The following HNRNPUL2 variants were observed in gnomAD, a reference collection of about 807,000 sequenced individuals.
The protein encoded by HNRNPUL2 is heterogeneous nuclear ribonucleoprotein U-like protein 2.
HNRNPUL2 carries 27 observed loss-of-function variants against 102.2 expected under a neutral mutation model. The observed-to-expected ratio is 0.26, with a 90% CI of 0.19 to 0.36. The LOEUF (loss-of-function observed/expected upper bound fraction) is 0.36, where lower values mean the gene tolerates loss of function less well. Ranked by LOEUF, HNRNPUL2 falls within the 10% of genes least tolerant of loss-of-function variation. HNRNPUL2 has a pLI of 1.00. For missense variants in HNRNPUL2, 936 were observed against 981.1 expected (o/e 0.95, Z 0.61); for synonymous variants, 458 against 387.2 (o/e 1.18, Z -2.15).
chr11:62,725,058 A>G (rs1590901103), intron 1 of HNRNPUL2, among the ~76,000 whole-genome samples: 1 of 152,348 alleles, frequency 6.6e-6, no homozygotes, highest in East Asian at 1.9e-4. Context: ...TAGACTGCAC[A>G]TTTGGGGCAG....
intron 8 of HNRNPUL2, 140 bp from the exon 9 acceptor site, chr11:62,721,563 T>G: frequency 1.1e-6 from 1 of 894,444 alleles, no homozygotes; most frequent in Non-Finnish European, 1.7e-6. Flanking sequence ...TTCAGTGCTG[T>G]GAATGTTGTC....
At chr11:62,719,326 T>A (rs1208260065) in intron 10 of HNRNPUL2, among the ~76,000 whole-genome samples, 2 of 152,094 alleles carry the variant, frequency 1.3e-5, no homozygotes, top group Non-Finnish European at 2.9e-5. Context: ...TGGCACATGC[T>A]TGTAATCTCA....
At chr11:62,722,457 T>C in intron 6 of HNRNPUL2, 77 bp from the exon 7 acceptor site, 2 of 1,535,098 alleles carry the variant, frequency 1.3e-6, no homozygotes, top group Non-Finnish European at 8.9e-7. Context: ...TTATTCTTTT[T>C]TCACACAGAC....
In HNRNPUL2 at chr11:62,722,774, T is replaced by G. The variant is rs754034571; in HGVS notation, c.982+39A>C. 3 of 1,602,792 alleles carry G rather than the reference T, an allele frequency of 1.9e-6. No homozygotes were observed. The South Asian group carries it at 3.3e-5, about 18-fold the overall frequency. On this transcript the variant is annotated intron_variant, in intron 5 of 13. Coordinates refer to ENST00000301785, the MANE Select transcript of HNRNPUL2 (RefSeq NM_001079559.3). ...ACTTCCCATAGAGTAAGCAATATGG[T>G]AGTAAACACTAATGAGGAACTTAAA...
At chr11:62,719,227 A>G (rs1722284680) in intron 10 of HNRNPUL2, among the ~76,000 whole-genome samples, 1 of 152,214 alleles carries the variant, frequency 6.6e-6, no homozygotes, top group South Asian at 2.1e-4. Flanking sequence ...AGGCGGGCAA[A>G]TCACCTGAAG....
intron 5 of HNRNPUL2, 27 bp from the exon 6 acceptor site, chr11:62,722,740 T>C (rs1201358051): frequency 1.2e-6 from 2 of 1,607,374 alleles, no homozygotes; most frequent in Non-Finnish European, 1.7e-6. Flanking sequence ...ATTAGTTACC[T>C]ACAACCGGAC....
At chr11:62,726,498 C>A in intron 1 of HNRNPUL2, 121 bp downstream of exon 1, 1 of 995,294 alleles carries the variant, frequency 1.0e-6, no homozygotes, top group Non-Finnish European at 1.4e-6. Context: ...GAAAGGAGTT[C>A]CATCAAATGG....
At chr11:62,716,872 G>A (rs952562990) in intron 11 of HNRNPUL2, 117 bp downstream of exon 11, 5 of 909,680 alleles carry the variant, frequency 5.5e-6, no homozygotes, top group South Asian at 1.6e-5. Context: ...CATGAAGAAG[G>A]CACTTCCGTA....
Position 62,726,817 on chromosome 11 carries a change from G to C in HNRNPUL2, c.340C>G (p.Pro114Ala). 1 of 1,593,344 alleles carries C rather than the reference G, an allele frequency of 6.3e-7. No homozygotes were observed. The highest frequency in any genetic ancestry group is 8.5e-7 in the Non-Finnish European group (1 of 1,176,466). ...GCGGCCTCCATGGCTGCCGCCTCCG[G>C]GGGCTCCGGCGGCGGCTGCGCGGCC... The part of the protein sequence containing the change: ...GQAAQPPPEP[P>A]EAAAMEAAAE... The change falls in exon 1 of 14, where the codon CCG (proline) becomes GCG (alanine). Residue 114 changes from proline to alanine, a missense_variant. Physicochemically the swap from Pro to Ala is conservative, Grantham distance 27. Coordinates refer to ENST00000301785, the MANE Select transcript of HNRNPUL2 (RefSeq NM_001079559.3).
At chr11:62,720,440 A>G (rs1346492717) in intron 9 of HNRNPUL2, among the ~76,000 whole-genome samples, 2 of 150,802 alleles carry the variant, frequency 1.3e-5, no homozygotes, top group Admixed American at 1.3e-4. Flanking sequence ...GCTATTTGGG[A>G]GGCTGAGACG....
chr11:62,724,056 G>A, intron 2 of HNRNPUL2, 66 bp from the exon 3 acceptor site: 1 of 1,333,602 alleles, frequency 7.5e-7, no homozygotes, highest in Non-Finnish European at 1.1e-6. Flanking sequence ...GGGTGTGTGT[G>A]TATGACATTA....
In HNRNPUL2 at chr11:62,727,050, G is replaced by A. The variant is rs1209571170; in HGVS notation, c.107C>T (p.Ala36Val). ...KVDLAQRLQE[A>V]LDAEMLEDEA... Reference sequence around the variant, plus strand: ...GTCCTCGAGCATCTCGGCGTCCAGCGCCTCCTGCAGCCGCTGCGCCAGATC... The same window carrying A: ...GTCCTCGAGCATCTCGGCGTCCAGCACCTCCTGCAGCCGCTGCGCCAGATC... Residue 36 changes from alanine to valine, a missense_variant, in exon 1 of 14, where the codon GCG (alanine) becomes GTG (valine). Ala to Val is a moderately conservative substitution (Grantham distance 64). Coordinates refer to ENST00000301785, the MANE Select transcript of HNRNPUL2 (RefSeq NM_001079559.3). 3.5e-6 allele frequency: 5 copies of A among 1,414,726 alleles called. No individual in the cohort carries two copies. Among genetic ancestry groups the A allele is most frequent in the Middle Eastern group, 2.5e-4 (1 of 4,074 alleles). 87.6% of individuals were successfully genotyped at this position (1,414,726 alleles called of 1,614,324 possible).
Position 62,726,991 on chromosome 11 carries a change from C to A in HNRNPUL2, c.166G>T (p.Ala56Ser). 7.3e-7 allele frequency: 1 copy of A among 1,361,488 alleles called. No individual in the cohort carries two copies. The highest frequency in any genetic ancestry group is 1.7e-5 in the South Asian group (1 of 57,562). 84.3% of individuals were successfully genotyped at this position (1,361,488 alleles called of 1,614,324 possible). A position where few individuals can be genotyped will look rare whatever the true frequency, so the allele number is the denominator to read the frequency against. Residue 56 changes from alanine to serine, a missense_variant, in exon 1 of 14, where the codon GCC becomes TCC. Physicochemically the swap from Ala to Ser is moderately conservative, Grantham distance 99. Coordinates refer to ENST00000301785, the MANE Select transcript of HNRNPUL2 (RefSeq NM_001079559.3). ...AGGGGAGPGG[A>S]CKAEPRPVAA... ...ACAGGCCGAGGCTCCGCCTTGCAGG[C>A]CCCGCCGGGCCCGGCCCCGCCGCCG...
At position 62,721,393 on chromosome 11, in the gene HNRNPUL2, G is replaced by T; in HGVS notation, c.1513C>A (p.Pro505Thr). Residue 505 changes from proline (P) to threonine (T), a missense_variant, in exon 9 of 14, where the codon CCC (proline) becomes ACC (threonine). Physicochemically the swap from Pro to Thr is conservative, Grantham distance 38. Transcript: ENST00000301785. ...MKGLEEPEMD[P>T]KSRDLLVQQA... ...TGAACTAAAAGGTCTCGGCTTTTGG[G>T]GTCCATCTCTGGCTCCTCGAGACCC... 1 of 1,606,580 alleles carries T rather than the reference G, an allele frequency of 6.2e-7. No individual in the cohort carries two copies. Among genetic ancestry groups the T allele is most frequent in the South Asian group, 1.1e-5 (1 of 89,486 alleles).
chr11:62,723,476 A>G, intron 4 of HNRNPUL2, 111 bp downstream of exon 4: 24 of 1,176,922 alleles, frequency 2.0e-5, no homozygotes, highest in Non-Finnish European at 2.8e-5. Flanking sequence ...GGGTAACAAG[A>G]GCGAAACTCC....
chr11:62,721,599 C>G (rs925163535), intron 8 of HNRNPUL2, among the ~76,000 whole-genome samples, 176 bp from the exon 9 acceptor site: 1 of 152,104 alleles, frequency 6.6e-6, no homozygotes, highest in Non-Finnish European at 1.5e-5. Flanking sequence ...TCATTTCTAT[C>G]TAGTCTTAAC....
intron 10 of HNRNPUL2, among the ~76,000 whole-genome samples, chr11:62,719,090 T>C (rs1402001046): frequency 6.6e-6 from 1 of 152,096 alleles, no homozygotes; most frequent in Non-Finnish European, 1.5e-5. Flanking sequence ...CCTCCCAAAG[T>C]GCTGGGATTA....
rs1391639649 is a variant in HNRNPUL2 at position 62,727,414 on chromosome 11, G to A, written c.-258C>T. 3 of 362,112 alleles carry A rather than the reference G, an allele frequency of 8.3e-6. No homozygotes were observed. The highest frequency in any genetic ancestry group is 9.2e-6 in the Non-Finnish European group (2 of 218,094). 22.4% of individuals were successfully genotyped at this position (362,112 alleles called of 1,614,324 possible). ...CAGCAGGGAGCTGTTTCCCCTCCAGGCCCTTGGTTCCCCAGCCGCGGGCAG... is the reference window on the plus strand; with the variant it reads ...CAGCAGGGAGCTGTTTCCCCTCCAGACCCTTGGTTCCCCAGCCGCGGGCAG... On this transcript the variant is annotated 5_prime_UTR_variant, in exon 1 of 14. Coordinates refer to ENST00000301785, the MANE Select transcript of HNRNPUL2 (RefSeq NM_001079559.3).
chr11:62,722,555 C>T (rs932895858), intron 6 of HNRNPUL2, 46 bp downstream of exon 6: 2 of 1,509,866 alleles, frequency 1.3e-6, no homozygotes, highest in African/African-American at 1.4e-5. Flanking sequence ...TCCCAGTGCC[C>T]TCTATCCGCT....
Sources: allele counts gnomAD v4.1 joint callset (sites outside exome capture counted in the v4.1 genomes callset), GRCh38; gene constraint gnomAD v4.1.1; transcripts MANE v1.5; gene names NCBI Gene and HGNC (gene_info 2026-07-23, HGNC 2026-07-21).